SRCIN1: variants seen among roughly 807,000 people sequenced by gnomAD.
SRCIN1 encodes the protein P130Cas-associated protein.
SRCIN1 carries 50 observed loss-of-function variants against 116.2 expected under a neutral mutation model. That is an observed-to-expected ratio of 0.43 (90% CI 0.34 to 0.54). The LOEUF (loss-of-function observed/expected upper bound fraction) is 0.54, where lower values mean the gene tolerates loss of function less well. Ranked by LOEUF, SRCIN1 falls within the 20% of genes least tolerant of loss-of-function variation. The probability of loss-of-function intolerance (pLI) is 0.02; values close to 1 mark genes in which losing one functional copy is unlikely to be tolerated. For missense variants in SRCIN1, 1,446 were observed against 1,672.0 expected, an observed-to-expected ratio of 0.86 and a Z score of 2.36; for synonymous variants, 736 against 750.0, an observed-to-expected ratio of 0.98 and a Z score of 0.30.
At position 38,558,668 on chromosome 17, in the gene SRCIN1, C is replaced by G. The variant is rs963716287; in HGVS notation, c.2026-266G>C. The stretch of plus-strand genomic sequence containing the variant: ...CGGATGGGGATCGTGGAGAGGGGAG[C>G]GTTAAAATGGGCCATGCAAAGGGGG... On this transcript the variant is annotated intron_variant, in intron 10 of 18. Coordinates refer to ENST00000617146, the MANE Select transcript of SRCIN1 (RefSeq NM_025248.3). This position sits in a 1 kb window ranked among gnomAD's most constrained non-coding sequence, Gnocchi z 4.6. 6.6e-6 allele frequency among the ~76,000 whole-genome samples: 1 copy of G among 151,318 alleles called. No individual in the cohort carries two copies. Among genetic ancestry groups the G allele is most frequent in the Non-Finnish European group, 1.5e-5 (1 of 67,870 alleles).
chr17:38,588,080 G>A (rs552621960), intron 1 of SRCIN1, among the ~76,000 whole-genome samples: 3 of 151,010 alleles, frequency 2.0e-5, no homozygotes, highest in Non-Finnish European at 4.4e-5. Flanking sequence ...AAAGGAAGAA[G>A]AAGAAGAAGC....
intron 1 of SRCIN1, among the ~76,000 whole-genome samples, chr17:38,599,488 G>A (rs774465759): frequency 6.6e-6 from 1 of 152,144 alleles, no homozygotes; most frequent in Non-Finnish European, 1.5e-5. Flanking sequence ...GTCCCCTGCC[G>A]CTAGGTCCAA....
At chr17:38,545,011 G>A (rs1363999105) in intron 17 of SRCIN1, 2 of 152,744 alleles carry the variant, frequency 1.3e-5, no homozygotes, top group Non-Finnish European at 2.9e-5. Context: ...GGCGCCCCAC[G>A]TGGTGCGGCC....
chr17:38,599,910 G>C (rs943642066), intron 1 of SRCIN1, among the ~76,000 whole-genome samples: 1 of 152,202 alleles, frequency 6.6e-6, no homozygotes, highest in Non-Finnish European at 1.5e-5. Context: ...CTCAGGCTTA[G>C]ACTTCTCTAA....
intron 1 of SRCIN1, among the ~76,000 whole-genome samples, chr17:38,583,476 C>T (rs995882538): frequency 2.0e-5 from 3 of 151,736 alleles, no homozygotes; most frequent in African/African-American, 7.3e-5. Flanking sequence ...TAAACTCTGC[C>T]TTTGGGCACT....
intron 15 of SRCIN1, 100 bp from the exon 16 acceptor site, chr17:38,549,310 G>A (rs1905252570): frequency 9.2e-6 from 11 of 1,193,240 alleles, no homozygotes; most frequent in Non-Finnish European, 1.2e-5. Flanking sequence ...TTCCTCCAGG[G>A]AGGACCAGGA....
At chr17:38,587,926 CCT>C (rs1250818294) in intron 1 of SRCIN1, among the ~76,000 whole-genome samples, 2 of 151,264 alleles carry the variant, frequency 1.3e-5, no homozygotes, top group Non-Finnish European at 2.9e-5. Context: ...CTTTCTTCCC[CCT>C]GCCCCTCCTC....
intron 1 of SRCIN1, among the ~76,000 whole-genome samples, chr17:38,582,010 T>C (rs2143342820): frequency 6.6e-6 from 1 of 152,318 alleles, no homozygotes; most frequent in East Asian, 1.9e-4. Context: ...CCAGGCCTTG[T>C]GGATTCTGCC....
intron 3 of SRCIN1, among the ~76,000 whole-genome samples, chr17:38,566,213 T>C (rs1327378362): frequency 6.6e-6 from 1 of 152,022 alleles, no homozygotes; most frequent in African/African-American, 2.4e-5. Flanking sequence ...GGGGTCCAAA[T>C]GAAGGGAGGC....
At chr17:38,557,523 T>TGG (rs56662478) in intron 11 of SRCIN1, among the ~76,000 whole-genome samples, 4,200 of 152,134 alleles carry the variant, frequency 0.028, 218 homozygotes, top group African/African-American at 0.096. Flanking sequence ...GAAAGCAGGG[T>TGG]GGGTGCTCAC....
chr17:38,582,275 G>A (rs78687117), intron 1 of SRCIN1, among the ~76,000 whole-genome samples: 5,737 of 152,248 alleles, frequency 0.038, 347 homozygotes, highest in African/African-American at 0.13. Context: ...AGTGTGTCTG[G>A]GGTGGAGCAA....
rs1042873115 is a variant in SRCIN1 at position 38,533,545 on chromosome 17, C to G, written c.3418-114G>C. 4.1e-5 allele frequency: 30 copies of G among 727,748 alleles called. No homozygotes were observed. In the African/African-American group the frequency reaches 6.2e-4, roughly 15 times the overall value. 45.1% of individuals were successfully genotyped at this position (727,748 alleles called of 1,614,324 possible). A position where few individuals can be genotyped will look rare whatever the true frequency, so the allele number is the denominator to read the frequency against. On this transcript the variant is annotated intron_variant, in intron 18 of 18. Coordinates refer to ENST00000617146, the MANE Select transcript of SRCIN1 (RefSeq NM_025248.3). The stretch of plus-strand genomic sequence containing the variant: ...TCCACAAATCCAAGGAAATTAACTG[C>G]AAAAGGAAGAAGCCAGAGGGGCATC...
intron 18 of SRCIN1, among the ~76,000 whole-genome samples, chr17:38,535,435 C>T (rs979418118): frequency 2.6e-5 from 4 of 152,032 alleles, no homozygotes; most frequent in Non-Finnish European, 5.9e-5. Context: ...TCAAACTCCC[C>T]ACCTCAGGTG....
At chr17:38,582,044 C>A (rs1392957234) in intron 1 of SRCIN1, among the ~76,000 whole-genome samples, 2 of 152,198 alleles carry the variant, frequency 1.3e-5, no homozygotes, top group Non-Finnish European at 2.9e-5. Flanking sequence ...TGGAATCCAG[C>A]TCCACAGTTC....
At chr17:38,569,782 G>C (rs1446206872) in intron 2 of SRCIN1, among the ~76,000 whole-genome samples, 1 of 152,180 alleles carries the variant, frequency 6.6e-6, no homozygotes, top group Non-Finnish European at 1.5e-5. Context: ...GCCACCCCCA[G>C]TGGTGCTAGG....
Position 38,552,395 on chromosome 17 carries a change from C to G in SRCIN1, c.2480+52G>C, listed in dbSNP as rs1158085588. On this transcript the variant is annotated intron_variant, in intron 13 of 18. Coordinates refer to ENST00000617146, the MANE Select transcript of SRCIN1 (RefSeq NM_025248.3). The surrounding 1 kb of genome is among the most constrained non-coding windows in gnomAD (Gnocchi z 5.3). ...TAAGGGTTCAGTATGACCTATGGGT[C>G]TGGGCCCGGTGTGTGAACCCATGGG... The G allele has an allele frequency of 6.4e-7, 1 of 1,559,478 alleles. No individual in the cohort carries two copies. The highest frequency in any genetic ancestry group is 2.3e-5 in the East Asian group (1 of 42,666).
At position 38,578,568 on chromosome 17, in the gene SRCIN1, G is replaced by A. The variant is rs1353832303; in HGVS notation, c.246C>T (p.Ala82=). Residue 82 remains alanine, a synonymous_variant, in exon 2 of 19, where the codon GCC becomes GCT. Coordinates refer to ENST00000617146, the MANE Select transcript of SRCIN1 (RefSeq NM_025248.3). Reference sequence around the variant, plus strand: ...ACTTGCTCTTCAGGTGGTCCATGAAGGCATCACGCTTGCGGTCGGCGTCCG... The same window carrying A: ...ACTTGCTCTTCAGGTGGTCCATGAAAGCATCACGCTTGCGGTCGGCGTCCG... ...QKADADRKRD[A]FMDHLKSKYP... 1 of 1,611,762 alleles carries A rather than the reference G, an allele frequency of 6.2e-7. No homozygotes were observed. The highest frequency in any genetic ancestry group is 2.2e-5 in the East Asian group (1 of 44,820).
chr17:38,566,518 C>G (rs1046360127), intron 3 of SRCIN1, among the ~76,000 whole-genome samples: 3 of 152,156 alleles, frequency 2.0e-5, no homozygotes, highest in African/African-American at 7.2e-5. Flanking sequence ...GGAGAGGGAC[C>G]ACCATGGGAG....
Position 38,558,470 on chromosome 17 carries a change from G to C in SRCIN1, c.2026-68C>G. On this transcript the variant is annotated intron_variant, in intron 10 of 18. Coordinates refer to ENST00000617146, the MANE Select transcript of SRCIN1 (RefSeq NM_025248.3). The surrounding 1 kb of genome is among the most constrained non-coding windows in gnomAD (Gnocchi z 4.6). ...AGCCGCGAGGCAGGGGAAGGGCCGG[G>C]AGAAGGCGGGTAGAGGACTGCCCAA... 1 of 1,517,228 alleles carries C rather than the reference G, an allele frequency of 6.6e-7. No individual in the cohort carries two copies. Among genetic ancestry groups the C allele is most frequent in the Non-Finnish European group, 8.8e-7 (1 of 1,137,798 alleles). The allele number at this position is 1,517,228 out of a possible 1,614,324, so 94.0% of individuals were successfully genotyped here. A position where few individuals can be genotyped will look rare whatever the true frequency, so the allele number is the denominator to read the frequency against.
Sources: allele counts gnomAD v4.1 joint callset (sites outside exome capture counted in the v4.1 genomes callset), GRCh38; gene constraint gnomAD v4.1.1; non-coding constraint Gnocchi (gnomAD v3.1); transcripts MANE v1.5; gene names NCBI Gene and HGNC (gene_info 2026-07-23, HGNC 2026-07-21).